KLF8: variants seen among roughly 807,000 people sequenced by gnomAD.
KLF8 encodes KLF transcription factor 8, also known as Krueppel-like factor 8.
In KLF8, 10 loss-of-function variants were observed where a neutral mutation model predicts 18.2. The observed-to-expected ratio is 0.55, with a 90% CI of 0.34 to 0.93. The LOEUF is 0.93. KLF8 is among the 40% of genes least tolerant of loss of function. The pLI is 0.02. For missense variants in KLF8, 264 were observed against 277.9 expected (o/e 0.95, Z 0.36); for synonymous variants, 109 against 97.3 (o/e 1.12, Z -0.71).
At chrX:56,029,162 C>G in the KLF8 span, among the ~76,000 whole-genome samples, 1 of 110,904 alleles carries the variant, frequency 9.0e-6, no homozygotes, top group South Asian at 3.9e-4. Flanking sequence ...TCCACCAATA[C>G]TCGGGGCCAT....
At chrX:56,160,400 T>A in the KLF8 span, among the ~76,000 whole-genome samples, 1 of 111,719 alleles carries the variant, frequency 9.0e-6, no homozygotes, top group Non-Finnish European at 1.9e-5. Flanking sequence ...AGATATCTAT[T>A]AGGTCCGCTT....
the KLF8 span, among the ~76,000 whole-genome samples, chrX:56,122,172 G>A: frequency 4.5e-5 from 5 of 111,129 alleles, no homozygotes; most frequent in African/African-American, 1.6e-4. Flanking sequence ...AATACTCAAT[G>A]ACAGTTAATG....
chrX:56,111,678 A>G, the KLF8 span, among the ~76,000 whole-genome samples: 1 of 112,434 alleles, frequency 8.9e-6, no homozygotes, highest in African/African-American at 3.2e-5. Context: ...AAGGATATGA[A>G]CAGACACTTC....
rs188599540 is a variant in KLF8 at position 56,291,132 on chromosome X, G to C, written c.*6638G>C. Among the ~76,000 whole-genome samples the C allele has an allele frequency of 7.2e-5, 8 of 111,867 alleles. No individual in the cohort carries two copies. The highest frequency in any genetic ancestry group is 1.9e-4 in the Admixed American group (2 of 10,534). On this transcript the variant is annotated 3_prime_UTR_variant, in exon 6 of 6. Coordinates refer to ENST00000468660, the MANE Select transcript of KLF8 (RefSeq NM_007250.5). ...TTTGTGTTGGGGAAAGGAGCCTGCA[G>C]TGAAAGGATCAGTTGGATTTTTTGT... is the stretch of plus-strand genomic sequence containing the variant.
the KLF8 span, among the ~76,000 whole-genome samples, chrX:56,049,033 G>A: frequency 1.3e-4 from 15 of 111,364 alleles, no homozygotes; most frequent in Non-Finnish European, 2.8e-4. Flanking sequence ...AAGCAATTTT[G>A]AATGGGAGTT....
At chrX:56,099,352 C>T in the KLF8 span, among the ~76,000 whole-genome samples, 42 of 111,272 alleles carry the variant, frequency 3.8e-4, 1 homozygote, top group South Asian at 4.6e-3. Flanking sequence ...TCTCACTAGC[C>T]ATTCCTTCAC....
At chrX:56,205,112 G>T in the KLF8 span, among the ~76,000 whole-genome samples, 1 of 110,844 alleles carries the variant, frequency 9.0e-6, no homozygotes, top group East Asian at 2.8e-4. Flanking sequence ...CATGTCTGGG[G>T]TTCACTGGAA....
At chrX:56,027,920 C>T in the KLF8 span, among the ~76,000 whole-genome samples, 1 of 112,487 alleles carries the variant, frequency 8.9e-6, no homozygotes, top group Non-Finnish European at 1.9e-5. Flanking sequence ...CTTTGGTATT[C>T]ATTAAAGTTA....
intron 2 of KLF8, among the ~76,000 whole-genome samples, chrX:56,264,318 GTATT>G (rs1405735576): frequency 1.1e-4 from 12 of 109,826 alleles, no homozygotes; most frequent in Admixed American, 1.9e-4. Flanking sequence ...ACTAATAAAT[GTATT>G]TATTAGTTTT....
the KLF8 span, among the ~76,000 whole-genome samples, chrX:55,999,762 G>A: frequency 9.0e-6 from 1 of 110,573 alleles, no homozygotes; most frequent in African/African-American, 3.3e-5. Flanking sequence ...AGTCTTTTGG[G>A]TTTTCAAGGT....
At chrX:56,182,684 T>C in the KLF8 span, among the ~76,000 whole-genome samples, 4 of 112,872 alleles carry the variant, frequency 3.5e-5, no homozygotes, top group Admixed American at 9.4e-5. Flanking sequence ...GTTTTCCTTC[T>C]AACAGTCAGG....
chrX:56,144,476 G>A, the KLF8 span, among the ~76,000 whole-genome samples: 5 of 109,718 alleles, frequency 4.6e-5, no homozygotes, highest in African/African-American at 1.3e-4. Context: ...TCGGCTGGGC[G>A]CGGTGGCTCA....
At chrX:55,966,706 A>G in the KLF8 span, among the ~76,000 whole-genome samples, 1 of 111,697 alleles carries the variant, frequency 9.0e-6, no homozygotes, top group African/African-American at 3.3e-5. Context: ...TCAACTCTTC[A>G]ATTTGCAGTC....
chrX:56,060,412 T>A, the KLF8 span, among the ~76,000 whole-genome samples: 1 of 111,911 alleles, frequency 8.9e-6, no homozygotes, highest in African/African-American at 3.2e-5. Context: ...TGAATTTTAT[T>A]GAAGGCCTTT....
the KLF8 span, among the ~76,000 whole-genome samples, chrX:56,080,843 C>A: frequency 9.0e-6 from 1 of 110,961 alleles, no homozygotes; most frequent in Admixed American, 9.6e-5. Flanking sequence ...AGGCTTAGCT[C>A]ATTTATTTTT....
chrX:56,273,354 A>G (rs1328327078), intron 5 of KLF8, among the ~76,000 whole-genome samples: 1 of 101,044 alleles, frequency 9.9e-6, no homozygotes, highest in African/African-American at 4.5e-5. Flanking sequence ...TTATTTTAAA[A>G]TGTACAATTA....
At chrX:56,015,021 C>A in the KLF8 span, 3 of 108,990 alleles carry the variant, frequency 2.8e-5, no homozygotes, top group African/African-American at 1.0e-4. Context: ...GGGAAAGCAT[C>A]AGGAAATTCA....
At chrX:55,946,670 A>G in the KLF8 span, among the ~76,000 whole-genome samples, 1 of 111,892 alleles carries the variant, frequency 8.9e-6, no homozygotes, top group Non-Finnish European at 1.9e-5. Context: ...TCTGCACAGC[A>G]AAAGAAACTA....
chrX:56,183,109 G>A, the KLF8 span, among the ~76,000 whole-genome samples: 1 of 112,165 alleles, frequency 8.9e-6, no homozygotes, highest in Non-Finnish European at 1.9e-5. Context: ...GAGCTGCGGT[G>A]GGCTCCACCC....
Sources: allele counts gnomAD v4.1 joint callset (sites outside exome capture counted in the v4.1 genomes callset), GRCh38; gene constraint gnomAD v4.1.1; transcripts MANE v1.5; gene names NCBI Gene and HGNC (gene_info 2026-07-23, HGNC 2026-07-21).